The following NBAS variants were observed in gnomAD, a reference collection of about 807,000 sequenced individuals.
The protein encoded by NBAS is NBAS subunit of NRZ tethering complex.
Under a neutral mutation model 302.5 loss-of-function variants are expected in NBAS, and 219 were observed. The observed-to-expected ratio is 0.72, with a 90% CI of 0.65 to 0.81. The LOEUF is 0.81. Among genes scored for constraint, NBAS ranks in the 30% least tolerant of loss-of-function variants. NBAS has a pLI of 0.00. For missense variants in NBAS, 2,932 were observed against 2,841.6 expected, an observed-to-expected ratio of 1.03 and a Z score of -0.72; for synonymous variants, 1,118 against 1,021.6, an observed-to-expected ratio of 1.09 and a Z score of -1.80.
chr2:15,473,584 A>G (rs532945961), intron 15 of NBAS, among the ~76,000 whole-genome samples: 4 of 152,210 alleles, frequency 2.6e-5, no homozygotes, highest in Admixed American at 2.6e-4. Flanking sequence ...TTTTAGAGTA[A>G]AACAGCGGCA....
At chr2:15,178,067 T>G (rs980503455) in intron 51 of NBAS, 2 of 446,872 alleles carry the variant, frequency 4.5e-6, no homozygotes, top group Non-Finnish European at 9.2e-6. Flanking sequence ...ATATCAGTGA[T>G]GTCTTTTCAT....
At chr2:15,471,655 G>GA (rs767030156) in intron 16 of NBAS, among the ~76,000 whole-genome samples, 18 of 152,090 alleles carry the variant, frequency 1.2e-4, no homozygotes, top group Non-Finnish European at 2.4e-4. Flanking sequence ...TCCATATGTT[G>GA]AAAAACTAAT....
At chr2:14,842,386 G>T in the NBAS span, among the ~76,000 whole-genome samples, 1 of 151,952 alleles carries the variant, frequency 6.6e-6, no homozygotes, top group Non-Finnish European at 1.5e-5. Flanking sequence ...TGAAAAGTTG[G>T]TTTTTGAAAA....
At chr2:15,180,433 G>A (rs1328835877) in intron 50 of NBAS, 4 of 152,246 alleles carry the variant, frequency 2.6e-5, no homozygotes, top group African/African-American at 9.6e-5. Context: ...GTGACACAGA[G>A]CAGTCTCACC....
chr2:15,328,262 A>C lies in NBAS; in HGVS notation c.4398T>G (p.Asp1466Glu). The change falls in exon 37 of 52, where the codon GAT becomes GAG. Residue 1466 changes from aspartate (D) to glutamate (E), a missense_variant. Coordinates refer to ENST00000281513, the MANE Select transcript of NBAS (RefSeq NM_015909.4). ...AYQIGTTANE[D>E]LEKQGCHPFY... ...AAGGATGACACCCTTGTTTCTCTAG[A>C]TCTTCATTGGCTGTAGTTCCGATTT... 1 of 1,613,990 alleles carries C rather than the reference A, an allele frequency of 6.2e-7. No individual in the cohort carries two copies. The highest frequency in any genetic ancestry group is 1.1e-5 in the South Asian group (1 of 91,068).
the NBAS span, among the ~76,000 whole-genome samples, chr2:14,989,287 A>G: frequency 4.2e-5 from 3 of 71,014 alleles, no homozygotes; most frequent in Non-Finnish European, 8.7e-5. Flanking sequence ...TAGTAGATGT[A>G]TGTGTATGTG....
intron 48 of NBAS, among the ~76,000 whole-genome samples, chr2:15,203,904 G>GTA (rs1386502351): frequency 1.3e-5 from 2 of 151,002 alleles, no homozygotes; most frequent in African/African-American, 4.9e-5. Context: ...GTGTGTGTGT[G>GTA]TGTGTGTGTG....
intron 28 of NBAS, among the ~76,000 whole-genome samples, chr2:15,392,292 C>T (rs1362704742): frequency 6.6e-6 from 1 of 150,744 alleles, no homozygotes; most frequent in Non-Finnish European, 1.5e-5. Context: ...TTGCTAGAAA[C>T]TCACATTGTA....
chr2:15,143,621 G>C, the NBAS span, among the ~76,000 whole-genome samples: 1 of 152,066 alleles, frequency 6.6e-6, no homozygotes, highest in South Asian at 2.1e-4. Flanking sequence ...TGCAAGTGGT[G>C]GTTACATAAC....
the NBAS span, among the ~76,000 whole-genome samples, chr2:14,911,427 C>A: frequency 6.6e-6 from 1 of 152,124 alleles, no homozygotes; most frequent in Non-Finnish European, 1.5e-5. Context: ...ACATCCTGGA[C>A]GCTATTATTC....
At chr2:14,971,905 T>C in the NBAS span, among the ~76,000 whole-genome samples, 1 of 152,214 alleles carries the variant, frequency 6.6e-6, no homozygotes, top group Non-Finnish European at 1.5e-5. Context: ...CAACAAGCTG[T>C]ATCCATTCCT....
At chr2:15,471,373 A>C (rs151160564) in intron 16 of NBAS, among the ~76,000 whole-genome samples, 1 of 152,290 alleles carries the variant, frequency 6.6e-6, no homozygotes, top group Non-Finnish European at 1.5e-5. Flanking sequence ...TGTTTGGCTG[A>C]TGCATCATCT....
chr2:15,261,394 C>CTAAATT (rs1238435348), intron 44 of NBAS, among the ~76,000 whole-genome samples: 1 of 151,206 alleles, frequency 6.6e-6, no homozygotes, highest in Non-Finnish European at 1.5e-5. Flanking sequence ...TTTTGCTTTA[C>CTAAATT]TAAAGCTAAT....
the NBAS span, among the ~76,000 whole-genome samples, chr2:15,029,881 G>T: frequency 5.3e-5 from 8 of 152,190 alleles, no homozygotes; most frequent in Non-Finnish European, 8.8e-5. Flanking sequence ...GCAGGGGAGG[G>T]GAAGAGGGAG....
At chr2:14,809,100 T>C in the NBAS span, among the ~76,000 whole-genome samples, 2 of 152,180 alleles carry the variant, frequency 1.3e-5, no homozygotes, top group Non-Finnish European at 2.9e-5. Flanking sequence ...TTCAGTTTTA[T>C]AAGGGGAGCA....
In NBAS at chr2:15,223,884, T is replaced by C. The variant is rs545165755; in HGVS notation, c.6237-4916A>G. Among the ~76,000 whole-genome samples the C allele has an allele frequency of 2.0e-5, 3 of 152,170 alleles. 1 individual carries two copies. The South Asian group carries it at 6.2e-4, about 32-fold the overall frequency. ...TAAAAAAAGAAAATCTCTCATAGTTTCACTACAAACACGTAGGGAATTGCT... is the reference window on the plus strand; with the variant it reads ...TAAAAAAAGAAAATCTCTCATAGTTCCACTACAAACACGTAGGGAATTGCT... On this transcript the variant is annotated intron_variant, in intron 47 of 51. Coordinates refer to ENST00000281513, the MANE Select transcript of NBAS (RefSeq NM_015909.4).
chr2:14,787,007 C>T, the NBAS span, among the ~76,000 whole-genome samples: 12 of 151,956 alleles, frequency 7.9e-5, no homozygotes, highest in African/African-American at 1.7e-4. Context: ...TGAGTGCTCC[C>T]GTATTGGGTG....
At chr2:15,325,257 CA>C (rs1296505466) in intron 38 of NBAS, among the ~76,000 whole-genome samples, 1 of 152,116 alleles carries the variant, frequency 6.6e-6, no homozygotes, top group Non-Finnish European at 1.5e-5. Flanking sequence ...CTGTATCACA[CA>C]AATTATTCGG....
intron 12 of NBAS, among the ~76,000 whole-genome samples, chr2:15,485,337 A>G (rs908606770): frequency 6.6e-6 from 1 of 152,208 alleles, no homozygotes; most frequent in Non-Finnish European, 1.5e-5. Flanking sequence ...TTTACATACA[A>G]ATCTGATCTT....
Sources: allele counts gnomAD v4.1 joint callset (sites outside exome capture counted in the v4.1 genomes callset), GRCh38; gene constraint gnomAD v4.1.1; transcripts MANE v1.5; gene names NCBI Gene and HGNC (gene_info 2026-07-23, HGNC 2026-07-21).